Variants in PITPNM3 observed in about 807,000 individuals in gnomAD.
PITPNM3 encodes the protein PITPNM family member 3.
A neutral mutation model predicts 102.0 loss-of-function variants in PITPNM3; 26 were observed. The observed-to-expected ratio is 0.25, with a 90% CI of 0.19 to 0.35. The LOEUF is 0.35. Among genes scored for constraint, PITPNM3 ranks in the 10% least tolerant of loss-of-function variants. The pLI, the probability that PITPNM3 is intolerant of heterozygous loss-of-function variation, is 1.00. For synonymous variants in PITPNM3, 578 were observed against 558.6 expected, an observed-to-expected ratio of 1.03 and a Z score of -0.49; for missense variants, 1,083 against 1,346.1, an observed-to-expected ratio of 0.80 and a Z score of 3.06.
intron 3 of PITPNM3, among the ~76,000 whole-genome samples, chr17:6,515,996 C>G (rs1407495564): frequency 6.6e-6 from 1 of 152,130 alleles, no homozygotes. Context: ...ACCAAGACAA[C>G]ACAGCGAGAC....
chr17:6,537,461 G>A lies in PITPNM3; in HGVS notation c.118+526C>T, dbSNP rs955134481. 3.3e-5 allele frequency among the ~76,000 whole-genome samples: 5 copies of A among 151,948 alleles called. No individual in the cohort carries two copies. The highest frequency in any genetic ancestry group is 1.2e-4 in the African/African-American group (5 of 41,356). On this transcript the variant is annotated intron_variant, in intron 2 of 19. Transcript: ENST00000262483. The surrounding 1 kb of genome is among the most constrained non-coding windows in gnomAD (Gnocchi z 4.4). Reference sequence around the variant, plus strand: ...GTTTCACAGGACCACCTGTTAAAGGGAACACATCTGTTAAGGGAATACACA... The same window carrying A: ...GTTTCACAGGACCACCTGTTAAAGGAAACACATCTGTTAAGGGAATACACA...
rs1470230773 is a variant in PITPNM3 at position 6,459,027 on chromosome 17, C to A, written c.2491-1305G>T. 6.6e-6 allele frequency among the ~76,000 whole-genome samples: 1 copy of A among 152,146 alleles called. No individual in the cohort carries two copies. Among genetic ancestry groups the A allele is most frequent in the East Asian group, 1.9e-4 (1 of 5,192 alleles). On this transcript the variant is annotated intron_variant, in intron 18 of 19. Coordinates refer to ENST00000262483, the MANE Select transcript of PITPNM3 (RefSeq NM_031220.4). This position sits in a 1 kb window ranked among gnomAD's most constrained non-coding sequence, Gnocchi z 5.0. ...CTCACCTCAATGGTTGGTTTATTCC[C>A]AACTGGCCTTTGGCTCAGAGGATGG... is the stretch of plus-strand genomic sequence containing the variant.
rs1904657240 is a variant in PITPNM3, at chr17:6,464,407, G to A, written c.2008-89C>T. The A allele has an allele frequency of 2.8e-6, 4 of 1,404,724 alleles. No individual in the cohort carries two copies. In the East Asian group the frequency reaches 9.3e-5, roughly 33 times the overall value. 87.0% of individuals were successfully genotyped at this position (1,404,724 alleles called of 1,614,324 possible). On this transcript the variant is annotated intron_variant, in intron 15 of 19. Transcript: ENST00000262483. ...GCTGGGCGGGGGAACTCTGGGCTGA[G>A]GTCCCTGCCTGACATTCCCTGGCTC...
chr17:6,499,412 G>A (rs1407555156), intron 4 of PITPNM3, among the ~76,000 whole-genome samples: 1 of 152,192 alleles, frequency 6.6e-6, no homozygotes, highest in Non-Finnish European at 1.5e-5. Flanking sequence ...GTGCTGTCTG[G>A]CTGGCTCATG....
At chr17:6,542,981 C>G (rs1909810206) in intron 1 of PITPNM3, among the ~76,000 whole-genome samples, 1 of 152,256 alleles carries the variant, frequency 6.6e-6, no homozygotes, top group Non-Finnish European at 1.5e-5. Context: ...TCACCTCAGT[C>G]TCCCAAAGTG....
intron 17 of PITPNM3, among the ~76,000 whole-genome samples, chr17:6,463,446 G>GGAGGGAGGGA (rs1904583711): frequency 6.6e-6 from 1 of 151,774 alleles, no homozygotes; most frequent in African/African-American, 2.4e-5. Flanking sequence ...AAGGAGGGAG[G>GGAGGGAGGGA]CAGGGAGGGA....
intron 3 of PITPNM3, among the ~76,000 whole-genome samples, chr17:6,520,920 G>C (rs1031846393): frequency 6.6e-6 from 1 of 152,164 alleles, no homozygotes; most frequent in Admixed American, 6.5e-5. Context: ...ACATATGTAG[G>C]GTACCTAGAG....
At chr17:6,533,957 C>T (rs771437980) in intron 2 of PITPNM3, among the ~76,000 whole-genome samples, 55 of 152,286 alleles carry the variant, frequency 3.6e-4, no homozygotes, top group African/African-American at 5.1e-4. Context: ...TTCTAGCTCC[C>T]GCTCTGCCTC....
At chr17:6,505,866 G>A (rs984897727) in intron 3 of PITPNM3, among the ~76,000 whole-genome samples, 4 of 152,192 alleles carry the variant, frequency 2.6e-5, no homozygotes, top group Non-Finnish European at 4.4e-5. Flanking sequence ...AGGCGAGACC[G>A]GCGGGGAGAG....
chr17:6,549,632 G>A (rs982441533), intron 1 of PITPNM3, among the ~76,000 whole-genome samples: 1 of 152,234 alleles, frequency 6.6e-6, no homozygotes, highest in African/African-American at 2.4e-5. Context: ...GACTCACTAA[G>A]CCTCCTATTC....
rs1277646896 is a variant in PITPNM3 at position 6,556,148 on chromosome 17, G to C, written c.22+237C>G. ...GCCGCAGACCTGGCCCTTTCCGGCGGGGCCGTGGAGAAGGGGACGCGGTGT... is the reference window on the plus strand; with the variant it reads ...GCCGCAGACCTGGCCCTTTCCGGCGCGGCCGTGGAGAAGGGGACGCGGTGT... On this transcript the variant is annotated intron_variant, in intron 1 of 19. Transcript: ENST00000262483. This position sits in a 1 kb window ranked among gnomAD's most constrained non-coding sequence, Gnocchi z 5.2. 6.6e-6 allele frequency among the ~76,000 whole-genome samples: 1 copy of C among 152,014 alleles called. No homozygotes were observed. The highest frequency in any genetic ancestry group is 1.5e-5 in the Non-Finnish European group (1 of 67,928).
chr17:6,474,683 C>A, intron 9 of PITPNM3, 79 bp from the exon 10 acceptor site: 1 of 1,470,080 alleles, frequency 6.8e-7, no homozygotes, highest in East Asian at 2.5e-5. Context: ...AGCAGCGCAG[C>A]CTGAATTCTG....
chr17:6,483,564 G>A lies in PITPNM3; in HGVS notation c.540C>T (p.Phe180=), dbSNP rs570132578. 15 of 1,614,030 alleles carry A rather than the reference G, an allele frequency of 9.3e-6. No homozygotes were observed. The highest frequency in any genetic ancestry group is 1.6e-4 in the Middle Eastern group (1 of 6,062). Residue 180 remains phenylalanine, a synonymous_variant, in exon 6 of 20, where the codon TTC becomes TTT. Transcript: ENST00000262483. ...CAGAGCAGATGGCAGGACAGGGGAC[G>A]AACTTGATGAGGATGTGGCCCAGGG... ...PAALGHILIK[F]VPCPAICSEA... is the part of the protein sequence containing the mutation.
In PITPNM3 at chr17:6,556,258, C is replaced by T; in HGVS notation, c.22+127G>A. 3 of 713,004 alleles carry T rather than the reference C, an allele frequency of 4.2e-6. No individual in the cohort carries two copies. Among genetic ancestry groups the T allele is most frequent in the Non-Finnish European group, 5.9e-6 (3 of 511,372 alleles). The allele number at this position is 713,004 out of a possible 1,614,324, so 44.2% of individuals were successfully genotyped here. The stretch of plus-strand genomic sequence containing the variant: ...CGCGGGAGGTCCAGCCCCGCTACCG[C>T]CCCCTACGCCCTCCCGGGACCTCCG... On this transcript the variant is annotated intron_variant, in intron 1 of 19. Transcript: ENST00000262483. This position sits in a 1 kb window ranked among gnomAD's most constrained non-coding sequence, Gnocchi z 5.2.
intron 2 of PITPNM3, among the ~76,000 whole-genome samples, chr17:6,535,098 C>A (rs1224308550): frequency 6.6e-6 from 1 of 152,074 alleles, no homozygotes; most frequent in Non-Finnish European, 1.5e-5. Flanking sequence ...CTGAGTGGGG[C>A]TGGATTTAAT....
In PITPNM3 at chr17:6,516,883, G is replaced by A. The variant is rs541306169; in HGVS notation, c.226+8473C>T. ...TGTCTCTATTAAAAAAAGAAAGAAA[G>A]AAAAAAAAATTTAAAAACGTAAATC... On this transcript the variant is annotated intron_variant, in intron 3 of 19. Transcript: ENST00000262483. Among the ~76,000 whole-genome samples, 443 of 149,464 alleles carry A rather than the reference G, an allele frequency of 3.0e-3. 4 individuals are homozygous for A. The highest frequency in any genetic ancestry group is 0.01 in the African/African-American group (400 of 39,870).
chr17:6,473,086 C>G, intron 10 of PITPNM3: 1 of 542,912 alleles, frequency 1.8e-6, no homozygotes, highest in South Asian at 2.0e-5. Context: ...TTTCTCTGAG[C>G]CTTTGCTCAA....
Position 6,478,484 on chromosome 17 carries a change from C to T in PITPNM3, c.777+63G>A, listed in dbSNP as rs1408082807. 6.3e-7 allele frequency: 1 copy of T among 1,588,920 alleles called. No individual in the cohort carries two copies. The highest frequency in any genetic ancestry group is 8.6e-7 in the Non-Finnish European group (1 of 1,160,692). ...CCTTGGCCCTTTCAGTAGATTCCAG[C>T]CTCTCTCCCAGGCCGGGGCCGGAAC... On this transcript the variant is annotated intron_variant, in intron 7 of 19. Transcript: ENST00000262483. The surrounding 1 kb of genome is among the most constrained non-coding windows in gnomAD (Gnocchi z 4.4).
At chr17:6,525,098 G>A (rs766296520) in intron 3 of PITPNM3, among the ~76,000 whole-genome samples, 43 of 152,156 alleles carry the variant, frequency 2.8e-4, no homozygotes, top group Non-Finnish European at 3.8e-4. Flanking sequence ...TTAACCACCC[G>A]TGCCACTGGG....
Sources: gnomAD v4.1 joint callset for allele counts (sites outside exome capture counted in the v4.1 genomes callset) on GRCh38, gnomAD v4.1.1 for gene constraint, Gnocchi (gnomAD v3.1) non-coding constraint, MANE v1.5 for transcripts, NCBI Gene and HGNC (gene_info 2026-07-23, HGNC 2026-07-21) for gene names.